The following SYNE1 variants were observed in gnomAD, a reference collection of about 807,000 sequenced individuals.
The protein encoded by SYNE1 is nesprin-1.
Under a neutral mutation model 1,111.0 loss-of-function variants are expected in SYNE1, and 616 were observed. The observed-to-expected ratio is 0.55, with a 90% CI of 0.52 to 0.59. The LOEUF (loss-of-function observed/expected upper bound fraction) is 0.59, where lower values mean the gene tolerates loss of function less well. Among genes scored for constraint, SYNE1 ranks in the 20% least tolerant of loss-of-function variants. SYNE1 has a pLI of 0.00. For missense variants in SYNE1, 10,006 were observed against 10,417.0 expected, an observed-to-expected ratio of 0.96 and a Z score of 1.72; for synonymous variants, 3,855 against 3,825.8, an observed-to-expected ratio of 1.01 and a Z score of -0.28.
At chr6:152,572,306 T>C (rs2623960) in intron 3 of SYNE1, among the ~76,000 whole-genome samples, 126,181 of 152,168 alleles carry the variant, frequency 0.83, 52,768 homozygotes, top group East Asian at 1. Flanking sequence ...ATTCAGTTCT[T>C]CTCACTATTC....
rs57594136 is a variant in SYNE1 at position 152,343,981 on chromosome 6, A to G, written c.12225+100T>C. On this transcript the variant is annotated intron_variant, in intron 74 of 145. Transcript: ENST00000367255. ...ACCTTCTTCCTACTTTTAGATTCCC[A>G]GGAGTCAATACAGTTTGGCACATCA... The G allele has an allele frequency of 3.3e-3, 4,985 of 1,520,970 alleles. 142 individuals carry two copies. In the African/African-American group the frequency reaches 0.06, roughly 18 times the overall value. 94.2% of individuals were successfully genotyped at this position (1,520,970 alleles called of 1,614,324 possible). A position where few individuals can be genotyped will look rare whatever the true frequency, so the allele number is the denominator to read the frequency against.
At chr6:152,200,955 C>T (rs907390819) in intron 127 of SYNE1, among the ~76,000 whole-genome samples, 16 of 152,302 alleles carry the variant, frequency 1.1e-4, no homozygotes, top group African/African-American at 3.8e-4. Flanking sequence ...ATTATCATCT[C>T]TTAAATGCTT....
At position 152,413,391 on chromosome 6, in the gene SYNE1, T is replaced by A; in HGVS notation, c.6191A>T (p.Glu2064Val). 1 of 1,614,152 alleles carries A rather than the reference T, an allele frequency of 6.2e-7. No homozygotes were observed. Among genetic ancestry groups the A allele is most frequent in the African/African-American group, 1.3e-5 (1 of 75,054 alleles). ...TCTTTTGGTATCATCCCAGGTGACCTCTAAGCGGTTTATCTCCCTGTCAAC... is the reference window on the plus strand; with the variant it reads ...TCTTTTGGTATCATCCCAGGTGACCACTAAGCGGTTTATCTCCCTGTCAAC... Reference protein sequence around the residue: ...PEVDREINRLEVTWDDTKRLI... With the variant: ...PEVDREINRLVVTWDDTKRLI... The change falls in exon 42 of 146, where the codon GAG (glutamate) becomes GTG (valine). Residue 2064 changes from glutamate (E) to valine (V), a missense_variant. Physicochemically the swap from Glu to Val is moderately radical, Grantham distance 121 (BLOSUM62 -2). Coordinates refer to ENST00000367255, the MANE Select transcript of SYNE1 (RefSeq NM_182961.4).
intron 142 of SYNE1, chr6:152,134,199 C>T (rs548562266): frequency 2.1e-4 from 32 of 152,280 alleles, no homozygotes; most frequent in African/African-American, 7.5e-4. Flanking sequence ...TAAGAGTCTA[C>T]CAGTTAATTT....
chr6:152,248,897 C>T (rs537112289), intron 105 of SYNE1, among the ~76,000 whole-genome samples: 1 of 152,270 alleles, frequency 6.6e-6, no homozygotes, highest in African/African-American at 2.4e-5. Flanking sequence ...CATATCTAAT[C>T]TCATCATTGG....
intron 14 of SYNE1, among the ~76,000 whole-genome samples, chr6:152,480,028 C>T (rs552591460): frequency 6.6e-6 from 1 of 152,092 alleles, no homozygotes; most frequent in Non-Finnish European, 1.5e-5. Context: ...TTGACAAAAA[C>T]CAGAATTACT....
At chr6:152,201,454 A>G (rs1221818318) in intron 127 of SYNE1, among the ~76,000 whole-genome samples, 1 of 145,916 alleles carries the variant, frequency 6.9e-6, no homozygotes, top group Admixed American at 6.9e-5. Flanking sequence ...CTGTCTGCAG[A>G]TTTTCCAGGC....
At chr6:152,200,542 CA>C (rs2075204027) in intron 127 of SYNE1, among the ~76,000 whole-genome samples, 1 of 152,112 alleles carries the variant, frequency 6.6e-6, no homozygotes, top group Non-Finnish European at 1.5e-5. Context: ...GGACTACAGG[CA>C]AGCACCACCA....
chr6:152,295,887 C>T lies in SYNE1; in HGVS notation c.17683-1760G>A, dbSNP rs578117318. 1.8e-4 allele frequency among the ~76,000 whole-genome samples: 27 copies of T among 152,330 alleles called. No individual in the cohort carries two copies. In the South Asian group the frequency reaches 3.9e-3, roughly 22 times the overall value. On this transcript the variant is annotated intron_variant, in intron 93 of 145. Transcript: ENST00000367255. ...TCTCTTCCATCCAAAAACACCTGCA[C>T]GCACTGTTTCTTTTATTTGTTTTCT...
intron 89 of SYNE1, 128 bp downstream of exon 89, chr6:152,310,268 C>A (rs1447881214): frequency 2.9e-6 from 4 of 1,380,864 alleles, no homozygotes; most frequent in Admixed American, 3.9e-5. Flanking sequence ...ATAGGGATAC[C>A]CTGTCTCTAT....
Position 152,330,651 on chromosome 6 carries a change from G to A in SYNE1, c.14034C>T (p.Ser4678=), listed in dbSNP as rs1319532964. 2.5e-6 allele frequency: 4 copies of A among 1,613,716 alleles called. No individual in the cohort carries two copies. In the South Asian group the frequency reaches 3.3e-5, roughly 13 times the overall value. The change falls in exon 78 of 146, where the codon TCC becomes TCT. Residue 4678 remains serine, a synonymous_variant. Transcript: ENST00000367255. ...EAILARKEYA[S]LIELTTQSLS... ...GAGACTGGGTTGTCAACTCAATCAA[G>A]GAAGCATATTCCTTCCGAGCAAGAA... is the stretch of plus-strand genomic sequence containing the variant.
chr6:152,184,631 T>TATAGATAGATAG (rs59272369), intron 128 of SYNE1, among the ~76,000 whole-genome samples: 9 of 143,026 alleles, frequency 6.3e-5, no homozygotes, highest in African/African-American at 1.3e-4. Context: ...TATACACATA[T>TATAGATAGATAG]ATAGATAGAT....
intron 91 of SYNE1, among the ~76,000 whole-genome samples, chr6:152,306,611 C>A (rs1364222392): frequency 6.6e-6 from 1 of 151,460 alleles, no homozygotes; most frequent in Non-Finnish European, 1.5e-5. Flanking sequence ...CATGGTGACT[C>A]ATATCTTTTA....
At chr6:152,340,472 C>A (rs1267105041) in intron 74 of SYNE1, among the ~76,000 whole-genome samples, 1 of 152,182 alleles carries the variant, frequency 6.6e-6, no homozygotes, top group Admixed American at 6.5e-5. Context: ...ACGTCAGCAG[C>A]ATCCTTCGCG....
At chr6:152,230,397 T>C (rs2082517697) in intron 115 of SYNE1, 150 bp downstream of exon 115, 2 of 805,458 alleles carry the variant, frequency 2.5e-6, no homozygotes, top group Non-Finnish European at 2.0e-6. Context: ...AAAAACCCTA[T>C]AAACTCACAA....
At chr6:152,244,405 T>A in intron 106 of SYNE1, 132 bp downstream of exon 106, 1 of 1,378,396 alleles carries the variant, frequency 7.3e-7, no homozygotes, top group Non-Finnish European at 1.0e-6. Context: ...TTTCTAAGAG[T>A]TGCTTGGTAG....
rs752442247 is a variant in SYNE1 at position 152,400,200 on chromosome 6, CA to C, written c.7030-378del. On this transcript the variant is annotated intron_variant, in intron 47 of 145. Coordinates refer to ENST00000367255, the MANE Select transcript of SYNE1 (RefSeq NM_182961.4). ...CTTTGTTTCAGAGTCACGTGCTCAC[CA>C]AAAGCACCAGTAGTTAATTTAAAAA... Among the ~76,000 whole-genome samples the C allele has an allele frequency of 9.3e-5, 14 of 151,276 alleles. No individual in the cohort carries two copies. The East Asian group carries it at 2.7e-3, about 29-fold the overall frequency.
chr6:152,438,887 T>C (rs2098500768), intron 32 of SYNE1, among the ~76,000 whole-genome samples: 1 of 152,216 alleles, frequency 6.6e-6, no homozygotes, highest in Admixed American at 6.5e-5. Flanking sequence ...GGCTCTGTTT[T>C]TTGAATGAAA....
chr6:152,567,520 A>G (rs1208957854), intron 3 of SYNE1, among the ~76,000 whole-genome samples: 1 of 152,148 alleles, frequency 6.6e-6, no homozygotes. Context: ...CATTATTACC[A>G]CTGAGTCCTT....
Sources: gnomAD v4.1 joint callset for allele counts (sites outside exome capture counted in the v4.1 genomes callset) on GRCh38, gnomAD v4.1.1 for gene constraint, MANE v1.5 for transcripts, NCBI Gene and HGNC (gene_info 2026-07-23, HGNC 2026-07-21) for gene names.